The following DENND6B variants were observed in gnomAD, a reference collection of about 807,000 sequenced individuals.
DENND6B encodes the protein DENN domain containing 6B.
A neutral mutation model predicts 85.1 loss-of-function variants in DENND6B; 73 were observed. That is an observed-to-expected ratio of 0.86 (90% confidence interval 0.71 to 1.04). DENND6B has a LOEUF of 1.04. Ranked by LOEUF, DENND6B falls within the 50% of genes least tolerant of loss-of-function variation. DENND6B has a pLI of 0.00. For missense variants in DENND6B, 715 were observed against 785.8 expected, an observed-to-expected ratio of 0.91 and a Z score of 1.08; for synonymous variants, 357 against 329.3, an observed-to-expected ratio of 1.08 and a Z score of -0.91.
At chr22:50,314,757 G>A (rs375152486) in intron 10 of DENND6B, 42 bp downstream of exon 10, 239 of 1,580,262 alleles carry the variant, frequency 1.5e-4, no homozygotes, top group Non-Finnish European at 1.9e-4. Flanking sequence ...GCACAGCCGC[G>A]ATGGTCCAGC....
In DENND6B at chr22:50,312,172, G is replaced by A. The variant is rs748303596; in HGVS notation, c.1725C>T (p.Pro575=). 1 of 1,612,526 alleles carries A rather than the reference G, an allele frequency of 6.2e-7. No individual in the cohort carries two copies. The highest frequency in any genetic ancestry group is 2.2e-5 in the East Asian group (1 of 44,876). Residue 575 remains proline, a synonymous_variant, in exon 20 of 20, where the codon CCC becomes CCT. Coordinates refer to ENST00000413817, the MANE Select transcript of DENND6B (RefSeq NM_001001794.4). ...LYIETVIGSL[P]KDLQAVLCPP ...GGCACAAGACAGCCTGCAGGTCTTT[G>A]GGCAGGGAGCCGATGACCGTCTCGA... is the stretch of plus-strand genomic sequence containing the variant.
chr22:50,316,864 C>T (rs1326425118), intron 5 of DENND6B: 3 of 655,814 alleles, frequency 4.6e-6, no homozygotes, highest in Non-Finnish European at 6.1e-6. Flanking sequence ...GCAGCAGTGT[C>T]CTGGACCAGG....
At chr22:50,319,182 C>T (rs2041961118) in intron 1 of DENND6B, 179 bp from the exon 2 acceptor site, 7 of 1,515,436 alleles carry the variant, frequency 4.6e-6, no homozygotes, top group Non-Finnish European at 6.2e-6. Flanking sequence ...GCTGCATCCT[C>T]CCCACACCAT....
intron 1 of DENND6B, among the ~76,000 whole-genome samples, chr22:50,320,747 G>C (rs1032769243): frequency 2.0e-5 from 3 of 152,218 alleles, no homozygotes; most frequent in African/African-American, 7.2e-5. Flanking sequence ...GCACTGAGGA[G>C]AACTGAGAAA....
chr22:50,313,974 C>T (rs2041690339), intron 13 of DENND6B, 96 bp from the exon 14 acceptor site: 10 of 1,431,624 alleles, frequency 7.0e-6, no homozygotes, highest in Middle Eastern at 2.5e-4. Flanking sequence ...GTCTCATCTG[C>T]CTGCAGCCCC....
At chr22:50,324,585 C>T (rs548324928) in intron 1 of DENND6B, among the ~76,000 whole-genome samples, 5 of 152,268 alleles carry the variant, frequency 3.3e-5, no homozygotes, top group South Asian at 2.1e-4. Context: ...CCACCACGCC[C>T]GGCTAATTTT....
intron 1 of DENND6B, among the ~76,000 whole-genome samples, chr22:50,324,992 T>G (rs2042152495): frequency 6.6e-6 from 1 of 152,146 alleles, no homozygotes; most frequent in Non-Finnish European, 1.5e-5. Flanking sequence ...CAGTGGGTGC[T>G]CCCTAAGTCT....
rs1029805720 is a variant in DENND6B, at chr22:50,312,560, T to C, written c.1523A>G (p.Lys508Arg). 4 of 1,596,042 alleles carry C rather than the reference T, an allele frequency of 2.5e-6. No homozygotes were observed. Among genetic ancestry groups the C allele is most frequent in the Admixed American group, 1.7e-5 (1 of 57,712 alleles). ...YRQRHKEMAL[K>R]LEALHLEAIC... ...AGCCTCCAGGTGCAGGGCCTCCAGC[T>C]TCAGGGCCATCTCCTTGTGCCGCTG... Residue 508 changes from lysine (K) to arginine (R), a missense_variant, in exon 18 of 20, where the codon AAG becomes AGG. By Grantham distance (26) the Lys-to-Arg change is conservative. Coordinates refer to ENST00000413817, the MANE Select transcript of DENND6B (RefSeq NM_001001794.4).
intron 1 of DENND6B, among the ~76,000 whole-genome samples, chr22:50,323,058 G>A (rs1263992090): frequency 1.6e-5 from 2 of 121,392 alleles, no homozygotes; most frequent in East Asian, 2.5e-4. Context: ...TAGTAGAGAC[G>A]GGGTTTCACT....
At chr22:50,318,710 G>A (rs1211489862) in intron 3 of DENND6B, 137 bp downstream of exon 3, 3 of 1,261,098 alleles carry the variant, frequency 2.4e-6, no homozygotes, top group African/African-American at 3.0e-5. Context: ...CACGGAGTGG[G>A]CATGGGGCTG....
At chr22:50,325,924 T>C (rs1016984678) in intron 1 of DENND6B, among the ~76,000 whole-genome samples, 2 of 152,178 alleles carry the variant, frequency 1.3e-5, no homozygotes, top group African/African-American at 4.8e-5. Context: ...ACGCGCTGCC[T>C]GGCTTTCCTG....
intron 13 of DENND6B, 41 bp downstream of exon 13, chr22:50,314,166 T>C (rs758919092): frequency 5.4e-5 from 85 of 1,576,690 alleles, no homozygotes; most frequent in Non-Finnish European, 7.2e-5. Flanking sequence ...AAGACAGGCC[T>C]CTCCACGGTG....
At chr22:50,320,164 C>G (rs2041998521) in intron 1 of DENND6B, among the ~76,000 whole-genome samples, 2 of 152,328 alleles carry the variant, frequency 1.3e-5, no homozygotes, top group South Asian at 4.1e-4. Context: ...AGGCTTCTTC[C>G]AAGGTGTGCC....
Position 50,315,132 on chromosome 22 carries a change from G to C in DENND6B, c.759-211C>G, listed in dbSNP as rs1341417757. On this transcript the variant is annotated intron_variant, in intron 9 of 19. Coordinates refer to ENST00000413817, the MANE Select transcript of DENND6B (RefSeq NM_001001794.4). The stretch of plus-strand genomic sequence containing the variant: ...TCCACCTGTGCTGGGCCTGGCCCTG[G>C]GAATGGGGGACTCAACCTGGACCCA... The C allele has an allele frequency of 7.0e-6, 5 of 716,970 alleles. No homozygotes were observed. The East Asian group carries it at 9.0e-5, about 13-fold the overall frequency. 44.4% of individuals were successfully genotyped at this position (716,970 alleles called of 1,614,324 possible).
Position 50,315,603 on chromosome 22 carries a change from C to T in DENND6B, c.758+111G>A, listed in dbSNP as rs1340250804. Reference sequence around the variant, plus strand: ...ACACACGTGCACACGTGCACTCACGCAGACACACACGCACACACATACTCA... The same window carrying T: ...ACACACGTGCACACGTGCACTCACGTAGACACACACGCACACACATACTCA... On this transcript the variant is annotated intron_variant, in intron 9 of 19. Transcript: ENST00000413817. 4 of 1,296,412 alleles carry T rather than the reference C, an allele frequency of 3.1e-6. No individual in the cohort carries two copies. The African/African-American group carries it at 4.6e-5, about 15-fold the overall frequency. The allele number at this position is 1,296,412 out of a possible 1,614,324, so 80.3% of individuals were successfully genotyped here. A position where few individuals can be genotyped will look rare whatever the true frequency, so the allele number is the denominator to read the frequency against.
rs377135771 is a variant in DENND6B at position 50,313,787 on chromosome 22, C to T, written c.1203+27G>A. 2.5e-6 allele frequency: 4 copies of T among 1,611,250 alleles called. No homozygotes were observed. In the African/African-American group the frequency reaches 4.0e-5, roughly 16 times the overall value. Reference sequence around the variant, plus strand: ...ACACCACACCAGGCTCCCTGCGTCCCCAGCCCCTGCCCCACAAACCATATA... The same window carrying T: ...ACACCACACCAGGCTCCCTGCGTCCTCAGCCCCTGCCCCACAAACCATATA... On this transcript the variant is annotated intron_variant, in intron 14 of 19. Transcript: ENST00000413817.
chr22:50,319,080 G>T, intron 1 of DENND6B, 77 bp from the exon 2 acceptor site: 1 of 1,548,286 alleles, frequency 6.5e-7, no homozygotes, highest in Non-Finnish European at 8.7e-7. Context: ...CTGCTGGACT[G>T]TGACCGTCCC....
chr22:50,317,786 C>G (rs1432260034), intron 4 of DENND6B, 122 bp downstream of exon 4: 9 of 1,015,494 alleles, frequency 8.9e-6, no homozygotes, highest in Non-Finnish European at 1.1e-5. Context: ...GGGGCCTGGC[C>G]AGCTCCTCTC....
chr22:50,315,822 G>A lies in DENND6B; in HGVS notation c.703-53C>T, dbSNP rs1042101547. 8 of 1,473,916 alleles carry A rather than the reference G, an allele frequency of 5.4e-6. No individual in the cohort carries two copies. The Admixed American group carries it at 2.0e-4, about 36-fold the overall frequency. The allele number at this position is 1,473,916 out of a possible 1,614,324, so 91.3% of individuals were successfully genotyped here. ...CCAAGGGGAGGCTGGCACCCCTTGG[G>A]CCCCAAGCAGCCCCTGCCTCACAGC... On this transcript the variant is annotated intron_variant, in intron 8 of 19. Transcript: ENST00000413817.
Sources: allele counts gnomAD v4.1 joint callset (sites outside exome capture counted in the v4.1 genomes callset), GRCh38; gene constraint gnomAD v4.1.1; transcripts MANE v1.5; gene names NCBI Gene and HGNC (gene_info 2026-07-23, HGNC 2026-07-21).